DPP10: variants seen among roughly 807,000 people sequenced by gnomAD.
DPP10 encodes the protein dipeptidyl peptidase like 10.
Under a neutral mutation model 120.9 loss-of-function variants are expected in DPP10, and 33 were observed. The observed-to-expected ratio is 0.27, with a 90% confidence interval of 0.21 to 0.37. DPP10 has a LOEUF of 0.37. Among genes scored for constraint, DPP10 ranks in the 10% least tolerant of loss-of-function variants. The pLI, the probability that DPP10 is intolerant of heterozygous loss-of-function variation, is 1.00. For missense variants in DPP10, 816 were observed against 942.8 expected (o/e 0.87, Z 1.76); for synonymous variants, 337 against 326.1 (o/e 1.03, Z -0.36).
At chr2:114,753,075 G>A (rs7573378) in intron 1 of DPP10, among the ~76,000 whole-genome samples, 151,223 of 152,234 alleles carry the variant, frequency 0.99, 75,116 homozygotes, top group East Asian at 1. Flanking sequence ...GAATGAGGAG[G>A]GGAAGGGGAG....
intron 3 of DPP10, among the ~76,000 whole-genome samples, chr2:115,438,810 A>G (rs111672481): frequency 4.0e-4 from 56 of 141,382 alleles, no homozygotes; most frequent in South Asian, 7.4e-4. Context: ...ATGGTCATGG[A>G]AGCACAGTGT....
intron 1 of DPP10, among the ~76,000 whole-genome samples, chr2:115,141,461 T>G (rs1480607057): frequency 6.6e-6 from 1 of 152,222 alleles, no homozygotes; most frequent in Non-Finnish European, 1.5e-5. Flanking sequence ...AGGTTAAAGA[T>G]TCACCTACTT....
chr2:114,997,099 A>T (rs867613710), intron 1 of DPP10, among the ~76,000 whole-genome samples: 1 of 152,104 alleles, frequency 6.6e-6, no homozygotes, highest in East Asian at 1.9e-4. Context: ...TGGGACATTA[A>T]TTTGTGTTAT....
intron 5 of DPP10, among the ~76,000 whole-genome samples, chr2:115,672,880 G>A (rs2090014332): frequency 6.6e-6 from 1 of 151,756 alleles, no homozygotes; most frequent in Non-Finnish European, 1.5e-5. Context: ...CTGAGTAGCT[G>A]GGACTACATG....
chr2:115,604,221 A>T (rs1448470), intron 5 of DPP10, among the ~76,000 whole-genome samples: 4 of 152,066 alleles, frequency 2.6e-5, no homozygotes, highest in Non-Finnish European at 5.9e-5. Flanking sequence ...ATGACAGTGG[A>T]TTCTTAGGGT....
intron 3 of DPP10, among the ~76,000 whole-genome samples, chr2:115,392,535 TA>T (rs1479903381): frequency 6.6e-6 from 1 of 152,144 alleles, no homozygotes; most frequent in Non-Finnish European, 1.5e-5. Context: ...ATCACATATA[TA>T]TAACTAATAT....
At chr2:114,791,560 TG>T (rs780013207) in intron 1 of DPP10, among the ~76,000 whole-genome samples, 4 of 152,190 alleles carry the variant, frequency 2.6e-5, no homozygotes, top group Non-Finnish European at 4.4e-5. Flanking sequence ...ACGTAAAAGT[TG>T]GTTTGAAAAT....
chr2:114,731,305 T>C (rs1030320307), intron 1 of DPP10, among the ~76,000 whole-genome samples: 31 of 152,138 alleles, frequency 2.0e-4, no homozygotes, highest in African/African-American at 6.8e-4. Context: ...TGCCTGGTCA[T>C]GGGCAATATT....
chr2:115,124,137 C>T (rs1208993234), intron 1 of DPP10, among the ~76,000 whole-genome samples: 1 of 151,956 alleles, frequency 6.6e-6, no homozygotes, highest in African/African-American at 2.4e-5. Flanking sequence ...AAGTGGGGCT[C>T]TTGCCATCTT....
At chr2:114,632,276 G>T (rs1222723923) in intron 1 of DPP10, among the ~76,000 whole-genome samples, 1 of 151,796 alleles carries the variant, frequency 6.6e-6, no homozygotes, top group Non-Finnish European at 1.5e-5. Context: ...TCTGTGGTTG[G>T]GGAATTGTGA....
rs183290749 is a variant in DPP10 at position 114,926,619 on chromosome 2, G to T, written c.61-382620G>T. ...CCATACTACAAAAGAGTGATCTGTAGAAGTGACAGGTACTTTCCCCCTCTG... is the reference window on the plus strand; with the variant it reads ...CCATACTACAAAAGAGTGATCTGTATAAGTGACAGGTACTTTCCCCCTCTG... On this transcript the variant is annotated intron_variant, in intron 1 of 25. Coordinates refer to ENST00000410059, the MANE Select transcript of DPP10 (RefSeq NM_020868.6). Among the ~76,000 whole-genome samples the T allele has an allele frequency of 1.4e-3, 210 of 152,310 alleles. 1 individual carries two copies. The highest frequency in any genetic ancestry group is 2.7e-3 in the Non-Finnish European group (187 of 68,030).
At chr2:114,951,201 C>G (rs1306755151) in intron 1 of DPP10, among the ~76,000 whole-genome samples, 1 of 152,148 alleles carries the variant, frequency 6.6e-6, no homozygotes, top group Non-Finnish European at 1.5e-5. Flanking sequence ...GTACACAACA[C>G]TGGCAGGAAG....
In DPP10 at chr2:115,031,339, T is replaced by C. The variant is rs573388449; in HGVS notation, c.61-277900T>C. On this transcript the variant is annotated intron_variant, in intron 1 of 25. Coordinates refer to ENST00000410059, the MANE Select transcript of DPP10 (RefSeq NM_020868.6). Reference sequence around the variant, plus strand: ...ATGGCACTGACTATTCAATCTTTATTGATAGCTAATGAGTTTTACCGGATG... The same window carrying C: ...ATGGCACTGACTATTCAATCTTTATCGATAGCTAATGAGTTTTACCGGATG... Among the ~76,000 whole-genome samples, 152 of 152,332 alleles carry C rather than the reference T, an allele frequency of 1.0e-3. 1 individual carries two copies. The highest frequency in any genetic ancestry group is 3.5e-3 in the African/African-American group (145 of 41,586).
At chr2:114,862,714 G>A (rs1333731058) in intron 1 of DPP10, among the ~76,000 whole-genome samples, 1 of 152,086 alleles carries the variant, frequency 6.6e-6, no homozygotes, top group Non-Finnish European at 1.5e-5. Flanking sequence ...AGGAGTAAAA[G>A]GAGAAATGTA....
At chr2:114,447,452 G>A (rs1449086642) in intron 1 of DPP10, among the ~76,000 whole-genome samples, 1 of 152,088 alleles carries the variant, frequency 6.6e-6, no homozygotes, top group African/African-American at 2.4e-5. Flanking sequence ...TGCAAGGAAT[G>A]TTTAATAACA....
At chr2:114,710,264 C>G (rs993104096) in intron 1 of DPP10, among the ~76,000 whole-genome samples, 5 of 152,174 alleles carry the variant, frequency 3.3e-5, no homozygotes, top group African/African-American at 1.2e-4. Flanking sequence ...TGAGTAGTTG[C>G]AATAGAGACA....
At chr2:115,316,952 T>G (rs1291489930) in intron 2 of DPP10, among the ~76,000 whole-genome samples, 2 of 152,014 alleles carry the variant, frequency 1.3e-5, no homozygotes, top group African/African-American at 4.8e-5. Context: ...AACTAAAAGT[T>G]TTTTAAAACA....
chr2:114,829,135 A>G (rs751014601), intron 1 of DPP10, among the ~76,000 whole-genome samples: 2 of 151,844 alleles, frequency 1.3e-5, no homozygotes, highest in Non-Finnish European at 2.9e-5. Context: ...AAAAAACTAC[A>G]AAAATTAGCC....
chr2:115,059,591 C>A (rs1706229197), intron 1 of DPP10, among the ~76,000 whole-genome samples: 1 of 144,856 alleles, frequency 6.9e-6, no homozygotes, highest in Non-Finnish European at 1.5e-5. Flanking sequence ...CAGAGCCATT[C>A]AGAATTAACC....
Sources: allele counts gnomAD v4.1 joint callset (sites outside exome capture counted in the v4.1 genomes callset), GRCh38; gene constraint gnomAD v4.1.1; transcripts MANE v1.5; gene names NCBI Gene and HGNC (gene_info 2026-07-23, HGNC 2026-07-21).